Variants in KCNT1 observed in about 807,000 individuals in gnomAD.
The protein encoded by KCNT1 is potassium sodium-activated channel subfamily T member 1.
Under a neutral mutation model 147.8 loss-of-function variants are expected in KCNT1, and 78 were observed. The ratio of observed to expected loss-of-function variants is 0.53; its 90% CI spans 0.44 to 0.64. The LOEUF (loss-of-function observed/expected upper bound fraction) is 0.64, where lower values mean the gene tolerates loss of function less well. Ranked by LOEUF, KCNT1 falls within the 30% of genes least tolerant of loss-of-function variation. KCNT1 has a pLI of 0.00. For synonymous variants in KCNT1, 867 were observed against 748.8 expected (o/e 1.16, Z -2.58); for missense variants, 1,419 against 1,750.3 (o/e 0.81, Z 3.38).
intron 2 of KCNT1, among the ~76,000 whole-genome samples, chr9:135,732,775 T>TCTCTCA (rs1420616791): frequency 6.7e-6 from 1 of 149,882 alleles, no homozygotes; most frequent in Non-Finnish European, 1.5e-5. Flanking sequence ...TCTCTCTCTC[T>TCTCTCA]CATTCTCTCT....
At chr9:135,784,945 C>T (rs926318234) in intron 27 of KCNT1, 56 bp downstream of exon 27, 4 of 1,583,236 alleles carry the variant, frequency 2.5e-6, no homozygotes, top group African/African-American at 2.7e-5. Context: ...GTGTGACCCA[C>T]AGCATCCCCA....
chr9:135,741,370 C>T (rs1830560491), intron 2 of KCNT1, among the ~76,000 whole-genome samples: 1 of 152,226 alleles, frequency 6.6e-6, no homozygotes, highest in African/African-American at 2.4e-5. Context: ...GCCAGGCAGA[C>T]CCGCTGCCAT....
chr9:135,783,544 G>C (rs988891645), intron 24 of KCNT1, among the ~76,000 whole-genome samples: 1 of 152,238 alleles, frequency 6.6e-6, no homozygotes, highest in Non-Finnish European at 1.5e-5. Flanking sequence ...AGGAAACTCA[G>C]TGGGTCCATT....
In KCNT1 at chr9:135,758,423, C is replaced by A. The variant is rs1315519442; in HGVS notation, c.769C>A (p.His257Asn). 1.9e-6 allele frequency: 3 copies of A among 1,612,788 alleles called. No homozygotes were observed. The highest frequency in any genetic ancestry group is 2.5e-6 in the Non-Finnish European group (3 of 1,179,646). ...HALENMINDF[H>N]RAILRTQSAM... ...ACCACTCCTTCCACAGAATGACTTC[C>A]ACCGTGCCATCCTGCGGACACAGTC... The change falls in exon 10 of 31, where the codon CAC (histidine) becomes AAC (asparagine). Residue 257 changes from histidine (H) to asparagine (N), a missense_variant. His to Asn is a moderately conservative substitution (Grantham distance 68). Transcript: ENST00000371757.
At position 135,791,853 on chromosome 9, in the gene KCNT1, G is replaced by C. The variant is rs142875411; in HGVS notation, c.3559G>C (p.Asp1187His). Reference sequence around the variant, plus strand: ...CTACGTCCTCATCAACCCTCCGCCCGACACGAGGCTGGAGCCCAGTGACAT... The same window carrying C: ...CTACGTCCTCATCAACCCTCCGCCCCACACGAGGCTGGAGCCCAGTGACAT... ...LSYVLINPPP[D>H]TRLEPSDIVY... The change falls in exon 30 of 31, where the codon GAC (aspartate) becomes CAC (histidine). Residue 1187 changes from aspartate (D) to histidine (H), a missense_variant. Asp to His is a moderately conservative substitution (Grantham distance 81). Around this residue, in one of 5 missense-constraint regions of KCNT1, gnomAD observed 306 missense variants for 294.2 expected, o/e 1.04. Transcript: ENST00000371757. The C allele has an allele frequency of 6.2e-7, 1 of 1,613,784 alleles. No individual in the cohort carries two copies. The highest frequency in any genetic ancestry group is 8.5e-7 in the Non-Finnish European group (1 of 1,179,944).
At position 135,765,873 on chromosome 9, in the gene KCNT1, C is replaced by A. The variant is rs200011730; in HGVS notation, c.1337+113C>A. 32 of 1,031,686 alleles carry A rather than the reference C, an allele frequency of 3.1e-5. 1 individual carries two copies. The East Asian group carries it at 8.1e-4, about 26-fold the overall frequency. The allele number at this position is 1,031,686 out of a possible 1,614,324, so 63.9% of individuals were successfully genotyped here. A position where few individuals can be genotyped will look rare whatever the true frequency, so the allele number is the denominator to read the frequency against. ...TCCTGGCCAATGAGAGCCATGAGAG[C>A]ATTATAGACTATCCCCAGGGTGGAC... On this transcript the variant is annotated intron_variant, in intron 13 of 30. Coordinates refer to ENST00000371757, the MANE Select transcript of KCNT1 (RefSeq NM_020822.3).
At chr9:135,785,575 C>T (rs1356390803) in intron 28 of KCNT1, 3 of 630,162 alleles carry the variant, frequency 4.8e-6, no homozygotes, top group Admixed American at 2.4e-5. Context: ...TGAGTTTGGA[C>T]ACCAGGTGCA....
At chr9:135,754,886 C>T (rs1831384664) in intron 5 of KCNT1, among the ~76,000 whole-genome samples, 1 of 152,218 alleles carries the variant, frequency 6.6e-6, no homozygotes, top group South Asian at 2.1e-4. Flanking sequence ...TCACAAGCAC[C>T]TCCTGGGGGG....
chr9:135,777,089 C>T (rs1327352401), intron 20 of KCNT1, among the ~76,000 whole-genome samples: 1 of 152,256 alleles, frequency 6.6e-6, no homozygotes, highest in Non-Finnish European at 1.5e-5. Flanking sequence ...GCCAAAACCA[C>T]ATGTTCACAT....
intron 4 of KCNT1, among the ~76,000 whole-genome samples, chr9:135,753,367 TTGGCCATGCCC>T (rs981522601): frequency 2.0e-5 from 3 of 152,204 alleles, no homozygotes; most frequent in Non-Finnish European, 4.4e-5. Flanking sequence ...AACTAGCTTG[TTGGCCATGCCC>T]TGGTCACTGT....
At chr9:135,748,182 C>A (rs1226549671) in intron 2 of KCNT1, among the ~76,000 whole-genome samples, 1 of 152,236 alleles carries the variant, frequency 6.6e-6, no homozygotes, top group Non-Finnish European at 1.5e-5. Flanking sequence ...GATCCTCCCA[C>A]CTCTGCCTCC....
chr9:135,770,850 T>TGCCCAGGTATGGCGTGTGCCTCA lies in KCNT1; in HGVS notation c.1770-6_1786dup. On this transcript the variant is annotated splice_region_variant and splice_polypyrimidine_tract_variant and intron_variant, in intron 17 of 30. Coordinates refer to ENST00000371757, the MANE Select transcript of KCNT1 (RefSeq NM_020822.3). ...CGGTACCTGAAGTTGCCGGTGCCTC[T>TGCCCAGGTATGGCGTGTGCCTCA]GCCCAGGTATGGCGTGTGCCTCATC... The TGCCCAGGTATGGCGTGTGCCTCA allele has an allele frequency of 6.4e-7, 1 of 1,560,834 alleles. No homozygotes were observed. Among genetic ancestry groups the TGCCCAGGTATGGCGTGTGCCTCA allele is most frequent in the Non-Finnish European group, 8.7e-7 (1 of 1,151,448 alleles).
rs1376161272 is a variant in KCNT1 at position 135,775,374 on chromosome 9, C to T, written c.2308C>T (p.Leu770=). ...IGSSPTLCHL[L]PVKAPFCCLR... ...CAGCTCCCCAACCCTGTGCCACCTC[C>T]TGCCTGTGAAAGCCCCCTTCTGCTG... The change falls in exon 20 of 31, where the codon CTG becomes TTG. Residue 770 remains leucine (L), a synonymous_variant. Transcript: ENST00000371757. 3.1e-6 allele frequency: 5 copies of T among 1,611,272 alleles called. No homozygotes were observed. The South Asian group carries it at 4.4e-5, about 14-fold the overall frequency.
chr9:135,717,239 G>A (rs1028042852), intron 2 of KCNT1, among the ~76,000 whole-genome samples: 2 of 151,578 alleles, frequency 1.3e-5, no homozygotes, highest in African/African-American at 4.9e-5. Flanking sequence ...TATAGGATGA[G>A]AGGGAAGGGG....
At chr9:135,707,847 A>G (rs1835318629) in intron 1 of KCNT1, among the ~76,000 whole-genome samples, 1 of 152,114 alleles carries the variant, frequency 6.6e-6, no homozygotes, top group Admixed American at 6.5e-5. Context: ...ATAAATCTAC[A>G]GCTTGATTTC....
intron 4 of KCNT1, 99 bp downstream of exon 4, chr9:135,751,140 C>G (rs1831140616): frequency 8.6e-7 from 1 of 1,156,330 alleles, no homozygotes; most frequent in Admixed American, 1.8e-5. Flanking sequence ...GGGGGAGCCC[C>G]TGTGCCTGGG....
At chr9:135,722,199 G>A (rs577940119) in intron 2 of KCNT1, among the ~76,000 whole-genome samples, 2 of 152,276 alleles carry the variant, frequency 1.3e-5, no homozygotes, top group African/African-American at 2.4e-5. Flanking sequence ...CAAGCGGGGG[G>A]CCTCTGGCTC....
intron 3 of KCNT1, 43 bp downstream of exon 3, chr9:135,750,220 T>C (rs751970000): frequency 5.2e-6 from 8 of 1,534,756 alleles, no homozygotes; most frequent in Non-Finnish European, 7.2e-6. Context: ...CAGGGAGGTG[T>C]TGAGGGCGCC....
rs761125935 is a variant in KCNT1, at chr9:135,785,819, G to A, written c.3178-378G>A. The A allele has an allele frequency of 3.6e-5, 15 of 417,892 alleles. 1 individual carries two copies. The highest frequency in any genetic ancestry group is 1.0e-4 in the South Asian group (4 of 38,676). 25.9% of individuals were successfully genotyped at this position (417,892 alleles called of 1,614,324 possible). On this transcript the variant is annotated intron_variant, in intron 28 of 30. Coordinates refer to ENST00000371757, the MANE Select transcript of KCNT1 (RefSeq NM_020822.3). ...CATCTGCAGATGGAGAAATTGACAC[G>A]CAGAGGGGGTGACCTCTCAGGGCAA... is the stretch of plus-strand genomic sequence containing the variant.
Sources: gnomAD v4.1 joint callset for allele counts (sites outside exome capture counted in the v4.1 genomes callset) on GRCh38, gnomAD v4.1.1 for gene constraint, gnomAD v4.1.1 regional missense constraint, MANE v1.5 for transcripts, NCBI Gene and HGNC (gene_info 2026-07-23, HGNC 2026-07-21) for gene names.